LAMA2: variants seen among roughly 807,000 people sequenced by gnomAD.
LAMA2 encodes laminin subunit alpha 2.
In LAMA2, 269 loss-of-function variants were observed where a neutral mutation model predicts 364.8. The observed-to-expected ratio is 0.74, with a 90% confidence interval of 0.67 to 0.82. The LOEUF (loss-of-function observed/expected upper bound fraction) is 0.82. LAMA2 is among the 40% of genes least tolerant of loss of function. LAMA2 has a pLI of 0.00. For synonymous variants in LAMA2, 1,379 were observed against 1,370.6 expected (o/e 1.01, Z -0.14); for missense variants, 3,807 against 3,873.2 (o/e 0.98, Z 0.45).
chr6:128,913,151 G>A (rs747293774), intron 1 of LAMA2, among the ~76,000 whole-genome samples: 12 of 152,180 alleles, frequency 7.9e-5, no homozygotes, highest in Non-Finnish European at 1.8e-4. Flanking sequence ...CTGCTAATGT[G>A]TTACTGAAGT....
At chr6:128,972,707 A>G (rs1269581501) in intron 1 of LAMA2, among the ~76,000 whole-genome samples, 1 of 152,054 alleles carries the variant, frequency 6.6e-6, no homozygotes, top group Non-Finnish European at 1.5e-5. Context: ...TCACCTCCAC[A>G]TTGAAAAAAA....
intron 29 of LAMA2, 94 bp downstream of exon 29, chr6:129,328,506 G>A: frequency 6.3e-7 from 1 of 1,586,208 alleles, no homozygotes; most frequent in Non-Finnish European, 8.6e-7. Context: ...TAAACTGTAA[G>A]GGAATGCAAC....
chr6:129,208,521 AAAAG>A lies in LAMA2; in HGVS notation c.1782+15678_1782+15681del, dbSNP rs201418628. Among the ~76,000 whole-genome samples, 1,066 of 149,016 alleles carry A rather than the reference AAAAG, an allele frequency of 7.2e-3. 11 individuals carry two copies. The highest frequency in any genetic ancestry group is 0.026 in the African/African-American group (1,021 of 39,330). ...AGAGATAGAGAGAGGCAGAAAGAGA[AAAAG>A]AAAGAAAGAGAGAAAGAAAAGGAAG... On this transcript the variant is annotated intron_variant, in intron 12 of 64. Transcript: ENST00000421865.
chr6:129,220,413 G>C (rs1033488764), intron 12 of LAMA2, among the ~76,000 whole-genome samples: 2 of 152,130 alleles, frequency 1.3e-5, no homozygotes, highest in Admixed American at 1.3e-4. Flanking sequence ...GTCAACAAGT[G>C]AGGAATTAAC....
At chr6:129,486,694 G>C in intron 56 of LAMA2, 72 bp downstream of exon 56, 2 of 1,368,780 alleles carry the variant, frequency 1.5e-6, no homozygotes, top group East Asian at 4.6e-5. Flanking sequence ...GTATCTATCA[G>C]TATCTGCCTG....
chr6:128,934,519 G>A (rs1779695400), intron 1 of LAMA2, among the ~76,000 whole-genome samples: 1 of 146,802 alleles, frequency 6.8e-6, no homozygotes, highest in Non-Finnish European at 1.5e-5. Flanking sequence ...TTTTTTTTCT[G>A]AGGTGGAATT....
At chr6:128,961,317 T>TTATATATA (rs1781475527) in intron 1 of LAMA2, among the ~76,000 whole-genome samples, 1 of 43,358 alleles carries the variant, frequency 2.3e-5, no homozygotes, top group Non-Finnish European at 5.2e-5. Context: ...AGAACTAATA[T>TTATATATA]GATATATATA....
chr6:129,299,355 A>G (rs1773405412), intron 21 of LAMA2, among the ~76,000 whole-genome samples: 3 of 152,102 alleles, frequency 2.0e-5, no homozygotes, highest in Admixed American at 2.0e-4. Flanking sequence ...CAATTAGTTG[A>G]GTTAGCGGCT....
intron 56 of LAMA2, chr6:129,491,116 A>G (rs1784839934): frequency 6.6e-6 from 1 of 152,206 alleles, no homozygotes; most frequent in Non-Finnish European, 1.5e-5. Context: ...TCCCCAGGCT[A>G]GTGACTAATG....
chr6:129,514,688 C>T, intron 64 of LAMA2, 93 bp downstream of exon 64: 1 of 958,598 alleles, frequency 1.0e-6, no homozygotes, highest in East Asian at 2.6e-5. Context: ...AGAATGTGTG[C>T]TTATGTGTAC....
chr6:129,137,200 C>A (rs1298214829), intron 4 of LAMA2, among the ~76,000 whole-genome samples: 2 of 151,584 alleles, frequency 1.3e-5, no homozygotes, highest in African/African-American at 4.9e-5. Flanking sequence ...CAGTAGTCAT[C>A]GGACATGTAA....
chr6:129,172,753 C>T lies in LAMA2; in HGVS notation c.1307-4953C>T, dbSNP rs187867413. Among the ~76,000 whole-genome samples the T allele has an allele frequency of 2.3e-4, 35 of 152,310 alleles. No homozygotes were observed. The East Asian group carries it at 6.6e-3, about 29-fold the overall frequency. On this transcript the variant is annotated intron_variant, in intron 9 of 64. Transcript: ENST00000421865. ...TTACCTAATCAAGCCTGGGCAATGG[C>T]GGCGCCCCTCCCCCAGCCTCGCTGC...
intron 47 of LAMA2, 34 bp downstream of exon 47, chr6:129,454,322 T>TAA (rs1782846329): frequency 6.4e-7 from 1 of 1,571,968 alleles, no homozygotes; most frequent in Non-Finnish European, 8.7e-7. Context: ...GATAATTAAA[T>TAA]GATAGAATTT....
At chr6:129,024,259 T>C (rs1211444543) in intron 1 of LAMA2, among the ~76,000 whole-genome samples, 3 of 151,332 alleles carry the variant, frequency 2.0e-5, no homozygotes, top group Non-Finnish European at 4.4e-5. Flanking sequence ...AGTCAAATGG[T>C]ATGTTAAAAA....
intron 22 of LAMA2, among the ~76,000 whole-genome samples, chr6:129,303,757 A>G (rs1308719153): frequency 1.3e-5 from 2 of 152,180 alleles, no homozygotes; most frequent in Non-Finnish European, 2.9e-5. Flanking sequence ...TCCTCAGATT[A>G]ATCCTGCTTG....
At chr6:129,192,544 G>A (rs1000675640) in intron 11 of LAMA2, 136 bp from the exon 12 acceptor site, 3 of 741,494 alleles carry the variant, frequency 4.0e-6, no homozygotes, top group African/African-American at 1.8e-5. Flanking sequence ...TAATGCTCAG[G>A]TTTTTTTCTA....
intron 4 of LAMA2, among the ~76,000 whole-genome samples, chr6:129,125,956 A>G (rs1777092491): frequency 6.6e-6 from 1 of 152,148 alleles, no homozygotes; most frequent in Admixed American, 6.5e-5. Flanking sequence ...AAAGCCATCA[A>G]AAAACGCCAG....
At chr6:129,302,072 C>A (rs2451690) in intron 22 of LAMA2, among the ~76,000 whole-genome samples, 443 of 152,172 alleles carry the variant, frequency 2.9e-3, no homozygotes, top group African/African-American at 9.9e-3. Flanking sequence ...GTGTTTGGGT[C>A]ATTTCTAGTT....
At chr6:129,145,398 T>C (rs1778375570) in intron 5 of LAMA2, among the ~76,000 whole-genome samples, 1 of 152,032 alleles carries the variant, frequency 6.6e-6, no homozygotes, top group African/African-American at 2.4e-5. Flanking sequence ...CCTCAACATA[T>C]TGTAAATTGT....
Sources: allele counts gnomAD v4.1 joint callset (sites outside exome capture counted in the v4.1 genomes callset), GRCh38; gene constraint gnomAD v4.1.1; transcripts MANE v1.5; gene names NCBI Gene and HGNC (gene_info 2026-07-23, HGNC 2026-07-21).